The following NADK2 variants were observed in gnomAD, a reference collection of about 807,000 sequenced individuals.
NADK2 encodes the protein NAD kinase domain-containing protein 1, mitochondrial.
A neutral mutation model predicts 62.1 loss-of-function variants in NADK2; 35 were observed. The observed-to-expected ratio is 0.56, with a 90% CI of 0.43 to 0.75. NADK2 has a LOEUF of 0.75. Ranked by LOEUF, NADK2 falls within the 30% of genes least tolerant of loss-of-function variation. The pLI, the probability that NADK2 is intolerant of heterozygous loss-of-function variation, is 0.00. For synonymous variants in NADK2, 205 were observed against 207.9 expected, an observed-to-expected ratio of 0.99 and a Z score of 0.12; for missense variants, 439 against 561.3, an observed-to-expected ratio of 0.78 and a Z score of 2.20.
intron 5 of NADK2, chr5:36,218,141 C>T: frequency 3.0e-6 from 1 of 330,618 alleles, no homozygotes; most frequent in South Asian, 4.9e-5. Context: ...TTAAGTCAAA[C>T]TCTATCAAGA....
chr5:36,201,086 A>G lies in NADK2; in HGVS notation c.1012+20T>C, dbSNP rs111953108. 1 of 1,609,756 alleles carries G rather than the reference A, an allele frequency of 6.2e-7. No homozygotes were observed. Among genetic ancestry groups the G allele is most frequent in the African/African-American group, 1.3e-5 (1 of 74,842 alleles). On this transcript the variant is annotated intron_variant, in intron 9 of 11. Coordinates refer to ENST00000381937, the MANE Select transcript of NADK2 (RefSeq NM_001085411.3). ...CTGCGGATAAGAGGGGACTACTCCA[A>G]TAGCTGTTTTGGTACTCACCAATAT...
Position 36,194,436 on chromosome 5 carries a change from C to G in NADK2, c.*708G>C, listed in dbSNP as rs978687638. On this transcript the variant is annotated 3_prime_UTR_variant, in exon 12 of 12. Transcript: ENST00000381937. ...ATTTTAAAAAAATTGACTTAAAACACTTATTGGATAACTAATACATTTGTA... is the reference window on the plus strand; with the variant it reads ...ATTTTAAAAAAATTGACTTAAAACAGTTATTGGATAACTAATACATTTGTA... 3.9e-5 allele frequency: 6 copies of G among 152,262 alleles called. No individual in the cohort carries two copies. The highest frequency in any genetic ancestry group is 1.9e-4 in the East Asian group (1 of 5,186). The allele number at this position is 152,262 out of a possible 1,614,324, so 9.4% of individuals were successfully genotyped here.
intron 1 of NADK2, among the ~76,000 whole-genome samples, chr5:36,232,628 T>G (rs1747749157): frequency 6.6e-6 from 1 of 152,182 alleles, no homozygotes; most frequent in African/African-American, 2.4e-5. Context: ...ATCATCTCTA[T>G]TCCACTTACT....
At chr5:36,196,606 C>T (rs116424688) in intron 11 of NADK2, among the ~76,000 whole-genome samples, 148 of 152,222 alleles carry the variant, frequency 9.7e-4, no homozygotes, top group African/African-American at 3.3e-3. Flanking sequence ...CTTTGGATTA[C>T]TGGCAGTTCT....
In NADK2 at chr5:36,241,881, C is replaced by G. The variant is rs1446559829; in HGVS notation, c.-83G>C. The stretch of plus-strand genomic sequence containing the variant: ...CGCCGGGAGTGCGCGCCGTCCGCGC[C>G]GCCCGGGCCTCTAACTTCGCGCCGG... On this transcript the variant is annotated 5_prime_UTR_variant, in exon 1 of 12. Transcript: ENST00000381937. The surrounding 1 kb of genome is among the most constrained non-coding windows in gnomAD (Gnocchi z 4.9). The G allele has an allele frequency of 9.3e-7, 1 of 1,078,258 alleles. No homozygotes were observed. The highest frequency in any genetic ancestry group is 5.4e-5 in the Admixed American group (1 of 18,610). The allele number at this position is 1,078,258 out of a possible 1,614,324, so 66.8% of individuals were successfully genotyped here. A position where few individuals can be genotyped will look rare whatever the true frequency, so the allele number is the denominator to read the frequency against.
chr5:36,210,222 G>A (rs1256136087), intron 7 of NADK2, among the ~76,000 whole-genome samples: 1 of 152,062 alleles, frequency 6.6e-6, no homozygotes, highest in Non-Finnish European at 1.5e-5. Flanking sequence ...TGAGAAGCCA[G>A]GTTCTAAAGT....
intron 6 of NADK2, 87 bp from the exon 7 acceptor site, chr5:36,212,009 T>C: frequency 1.0e-6 from 1 of 993,878 alleles, no homozygotes; most frequent in East Asian, 2.5e-5. Flanking sequence ...ACTACAACTT[T>C]TATATTTTTG....
intron 10 of NADK2, 146 bp from the exon 11 acceptor site, chr5:36,197,810 C>G (rs1458790980): frequency 6.6e-6 from 4 of 603,238 alleles, no homozygotes; most frequent in Non-Finnish European, 1.0e-5. Flanking sequence ...AACACATATT[C>G]CATTAAAACA....
intron 11 of NADK2, 146 bp downstream of exon 11, chr5:36,197,395 C>T (rs972946110): frequency 9.9e-7 from 1 of 1,014,300 alleles, no homozygotes; most frequent in Admixed American, 2.2e-5. Context: ...TAGCATGATA[C>T]CTTGTTACTT....
At chr5:36,219,932 A>G (rs1249290658) in intron 4 of NADK2, among the ~76,000 whole-genome samples, 2 of 152,236 alleles carry the variant, frequency 1.3e-5, no homozygotes, top group East Asian at 3.8e-4. Flanking sequence ...CTACGTTACA[A>G]TGAAACTAAA....
intron 10 of NADK2, among the ~76,000 whole-genome samples, chr5:36,198,224 C>A (rs1746305970): frequency 6.6e-6 from 1 of 151,906 alleles, no homozygotes; most frequent in Non-Finnish European, 1.5e-5. Context: ...ATACAAAGCA[C>A]AAATTGGTTG....
Position 36,226,598 on chromosome 5 carries a change from C to T in NADK2, c.390-35G>A, listed in dbSNP as rs773502736. 3.5e-6 allele frequency: 5 copies of T among 1,424,128 alleles called. No individual in the cohort carries two copies. The Admixed American group carries it at 5.1e-5, about 14-fold the overall frequency. 88.2% of individuals were successfully genotyped at this position (1,424,128 alleles called of 1,614,324 possible). A position where few individuals can be genotyped will look rare whatever the true frequency, so the allele number is the denominator to read the frequency against. On this transcript the variant is annotated intron_variant, in intron 2 of 11. Transcript: ENST00000381937. The stretch of plus-strand genomic sequence containing the variant: ...AAAAGGAAAGGTTATATGAAATTTC[C>T]ACTAATAATATATATAACAGGGGTA...
chr5:36,207,323 A>G, intron 7 of NADK2, 58 bp from the exon 8 acceptor site: 2 of 1,228,076 alleles, frequency 1.6e-6, no homozygotes, highest in South Asian at 2.6e-5. Context: ...TAAATAAGAG[A>G]GTCTTCTTCA....
intron 10 of NADK2, among the ~76,000 whole-genome samples, chr5:36,198,335 T>C (rs1339132965): frequency 6.6e-6 from 1 of 151,946 alleles, no homozygotes; most frequent in Non-Finnish European, 1.5e-5. Context: ...AAAGTTTCAT[T>C]TGAATTACTG....
intron 11 of NADK2, among the ~76,000 whole-genome samples, chr5:36,196,191 G>A (rs1269321940): frequency 1.3e-5 from 2 of 152,126 alleles, no homozygotes; most frequent in African/African-American, 4.8e-5. Flanking sequence ...TTGGATCACC[G>A]TGTATGCTAT....
chr5:36,237,167 T>C (rs1747940961), intron 1 of NADK2, among the ~76,000 whole-genome samples: 1 of 152,232 alleles, frequency 6.6e-6, no homozygotes, highest in Non-Finnish European at 1.5e-5. Flanking sequence ...ATTTCAACTT[T>C]AGGTATTTGT....
intron 6 of NADK2, among the ~76,000 whole-genome samples, chr5:36,212,656 G>A (rs1746894443): frequency 6.6e-6 from 1 of 152,078 alleles, no homozygotes; most frequent in African/African-American, 2.4e-5. Flanking sequence ...TATCCTCAAT[G>A]TCACAACTAT....
chr5:36,211,992 A>T, intron 6 of NADK2, 70 bp from the exon 7 acceptor site: 1 of 1,121,408 alleles, frequency 8.9e-7, no homozygotes, highest in Non-Finnish European at 1.3e-6. Context: ...TAAAAATTTT[A>T]TAAAACACTA....
At chr5:36,236,799 A>G (rs970590838) in intron 1 of NADK2, among the ~76,000 whole-genome samples, 3 of 151,222 alleles carry the variant, frequency 2.0e-5, no homozygotes, top group African/African-American at 7.3e-5. Context: ...TGGTAGCCAG[A>G]GAAAGGCAGA....
Sources: gnomAD v4.1 joint callset for allele counts (sites outside exome capture counted in the v4.1 genomes callset) on GRCh38, gnomAD v4.1.1 for gene constraint, Gnocchi (gnomAD v3.1) non-coding constraint, MANE v1.5 for transcripts, NCBI Gene and HGNC (gene_info 2026-07-23, HGNC 2026-07-21) for gene names.